Variants in RELN observed in about 807,000 individuals in gnomAD.
RELN encodes the protein reelin.
Under a neutral mutation model 427.6 loss-of-function variants are expected in RELN, and 108 were observed. The ratio of observed to expected loss-of-function variants is 0.25; its 90% CI spans 0.22 to 0.30. The LOEUF is 0.30. Ranked by LOEUF, RELN falls within the 10% of genes least tolerant of loss-of-function variation. RELN has a pLI of 1.00. For synonymous variants in RELN, 1,524 were observed against 1,513.4 expected, an observed-to-expected ratio of 1.01 and a Z score of -0.16; for missense variants, 3,715 against 4,302.8, an observed-to-expected ratio of 0.86 and a Z score of 3.82.
intron 11 of RELN, among the ~76,000 whole-genome samples, chr7:103,663,784 A>G (rs1438257559): frequency 3.3e-5 from 5 of 152,184 alleles, no homozygotes; most frequent in Non-Finnish European, 5.9e-5. Context: ...CCTGGTCTTT[A>G]GCTTCTCTGT....
chr7:103,832,671 T>G (rs930094119), intron 3 of RELN, among the ~76,000 whole-genome samples: 1 of 152,134 alleles, frequency 6.6e-6, no homozygotes, highest in Non-Finnish European at 1.5e-5. Flanking sequence ...GTCACAGCCT[T>G]GGAACCATAG....
chr7:103,836,855 ACTTT>A (rs1793422491), intron 2 of RELN, among the ~76,000 whole-genome samples: 1 of 152,094 alleles, frequency 6.6e-6, no homozygotes, highest in African/African-American at 2.4e-5. Flanking sequence ...CTGCTTCTTA[ACTTT>A]CTTTACTTCT....
intron 58 of RELN, 30 bp from the exon 59 acceptor site, chr7:103,490,859 A>G (rs374223016): frequency 1.2e-6 from 2 of 1,612,414 alleles, no homozygotes; most frequent in African/African-American, 2.7e-5. Context: ...TTGTTAGACA[A>G]ATTGTAAGAG....
In RELN at chr7:103,723,208, A is replaced by G; in HGVS notation, c.754-17T>C. Reference sequence around the variant, plus strand: ...TGTGGTAATCTAAAGAAAAAAGAATACATAAAAATAAGACAAGACAGAGAG... The same window carrying G: ...TGTGGTAATCTAAAGAAAAAAGAATGCATAAAAATAAGACAAGACAGAGAG... On this transcript the variant is annotated splice_polypyrimidine_tract_variant and intron_variant, in intron 7 of 64. Transcript: ENST00000428762. The G allele has an allele frequency of 6.7e-7, 1 of 1,501,498 alleles. No homozygotes were observed. Among genetic ancestry groups the G allele is most frequent in the Non-Finnish European group, 9.3e-7 (1 of 1,078,134 alleles). 93.0% of individuals were successfully genotyped at this position (1,501,498 alleles called of 1,614,324 possible).
intron 1 of RELN, among the ~76,000 whole-genome samples, chr7:103,949,608 C>A (rs1413259777): frequency 6.7e-6 from 1 of 149,566 alleles, no homozygotes; most frequent in Non-Finnish European, 1.5e-5. Context: ...GTCTCCAGAA[C>A]TGTGAGAAAT....
rs536676938 is a variant in RELN at position 103,519,431 on chromosome 7, A to C, written c.7754T>G (p.Ile2585Ser). 15 of 1,613,620 alleles carry C rather than the reference A, an allele frequency of 9.3e-6. No individual in the cohort carries two copies. The South Asian group carries it at 1.4e-4, about 15-fold the overall frequency. The change falls in exon 49 of 65, where the codon ATT becomes AGT. Residue 2585 changes from isoleucine (I) to serine (S), a missense_variant. By Grantham distance (142) the Ile-to-Ser change is moderately radical. Transcript: ENST00000428762. ...ACCTTGGTTACGGTTGTTTGGTGTA[A>C]TCAGGCACCCATACATGAAGTAAAA... is the stretch of plus-strand genomic sequence containing the variant. ...IQFYFMYGCL[I>S]TPNNRNQGVL...
Position 103,483,006 on chromosome 7 carries a change from A to G in RELN, c.10182-35T>C, listed in dbSNP as rs762355934. 29 of 1,571,290 alleles carry G rather than the reference A, an allele frequency of 1.8e-5. No individual in the cohort carries two copies. The East Asian group carries it at 5.1e-4, about 28-fold the overall frequency. On this transcript the variant is annotated intron_variant, in intron 62 of 64. Coordinates refer to ENST00000428762, the MANE Select transcript of RELN (RefSeq NM_005045.4). The stretch of plus-strand genomic sequence containing the variant: ...ACACAGAAGGACAAAGAAGTTATAC[A>G]TTAGGAAACAGAACTTTTTGGTATT...
chr7:103,771,715 AC>A (rs1472961675), intron 4 of RELN, among the ~76,000 whole-genome samples: 1 of 151,982 alleles, frequency 6.6e-6, no homozygotes, highest in Non-Finnish European at 1.5e-5. Flanking sequence ...TCTCACCTGC[AC>A]CCCCATACCT....
chr7:103,812,503 C>T (rs1792768012), intron 3 of RELN, among the ~76,000 whole-genome samples: 3 of 152,190 alleles, frequency 2.0e-5, no homozygotes, highest in Admixed American at 2.0e-4. Flanking sequence ...AGTGGTGACT[C>T]TAAAGATAAG....
chr7:103,774,623 A>C (rs1279304915), intron 4 of RELN, among the ~76,000 whole-genome samples: 4 of 152,230 alleles, frequency 2.6e-5, no homozygotes, highest in African/African-American at 9.6e-5. Context: ...ATAAAAAATG[A>C]TTACATGATA....
chr7:103,519,243 C>T (rs1342779750), intron 49 of RELN, 80 bp downstream of exon 49: 2 of 1,074,992 alleles, frequency 1.9e-6, no homozygotes, highest in Non-Finnish European at 2.9e-6. Context: ...TCTGAGGTCC[C>T]CCTCAGTCTC....
intron 24 of RELN, among the ~76,000 whole-genome samples, chr7:103,601,586 A>G (rs1361711549): frequency 6.6e-6 from 1 of 152,174 alleles, no homozygotes; most frequent in Non-Finnish European, 1.5e-5. Flanking sequence ...TGGTGGCTAT[A>G]TTACCTGCTT....
At position 103,545,123 on chromosome 7, in the gene RELN, C is replaced by T; in HGVS notation, c.6523+1G>A. ...ACATAGAATTTGTAAGAAAAGACTA[C>T]CTTCGAAATCATCTTTGAGAAAATC... On this transcript the variant is annotated splice_donor_variant, in intron 42 of 64. Transcript: ENST00000428762. LOFTEE classifies it high-confidence loss of function. The T allele has an allele frequency of 1.2e-6, 2 of 1,611,746 alleles. No homozygotes were observed. Among genetic ancestry groups the T allele is most frequent in the Non-Finnish European group, 1.7e-6 (2 of 1,178,724 alleles).
At chr7:103,867,779 C>T (rs1794234356) in intron 2 of RELN, among the ~76,000 whole-genome samples, 1 of 151,976 alleles carries the variant, frequency 6.6e-6, no homozygotes, top group African/African-American at 2.4e-5. Context: ...AGTGGATATA[C>T]TCTTTATTTC....
At chr7:103,786,766 C>G (rs935184236) in intron 3 of RELN, among the ~76,000 whole-genome samples, 1 of 152,160 alleles carries the variant, frequency 6.6e-6, no homozygotes, top group Admixed American at 6.5e-5. Flanking sequence ...GACTTTAACA[C>G]CCGACTGTCG....
chr7:103,831,285 G>T (rs1322882486), intron 3 of RELN, among the ~76,000 whole-genome samples: 2 of 152,094 alleles, frequency 1.3e-5, no homozygotes, highest in Non-Finnish European at 2.9e-5. Context: ...CATACCAAAA[G>T]AGTCAGTGAT....
At chr7:103,617,528 G>A (rs184894954) in intron 20 of RELN, among the ~76,000 whole-genome samples, 77 of 151,564 alleles carry the variant, frequency 5.1e-4, no homozygotes, top group African/African-American at 1.8e-3. Context: ...GTATATATAT[G>A]CATATATGTG....
intron 16 of RELN, among the ~76,000 whole-genome samples, chr7:103,644,942 C>T (rs1399142040): frequency 6.6e-6 from 1 of 151,562 alleles, no homozygotes; most frequent in African/African-American, 2.4e-5. Flanking sequence ...TTAATAGAAA[C>T]CTTATAAGCC....
chr7:103,500,325 T>G (rs1828983647), intron 53 of RELN, among the ~76,000 whole-genome samples: 1 of 152,236 alleles, frequency 6.6e-6, no homozygotes, highest in African/African-American at 2.4e-5. Context: ...AGGTACTGTT[T>G]AGGCCTTTTT....
Sources: allele counts gnomAD v4.1 joint callset (sites outside exome capture counted in the v4.1 genomes callset), GRCh38; gene constraint gnomAD v4.1.1; transcripts MANE v1.5; gene names NCBI Gene and HGNC (gene_info 2026-07-23, HGNC 2026-07-21).